Variants in LUZP2 observed in about 807,000 individuals in gnomAD.
LUZP2 encodes the protein leucine zipper protein 2.
Under a neutral mutation model 51.6 loss-of-function variants are expected in LUZP2, and 52 were observed. The observed-to-expected ratio is 1.01, with a 90% CI of 0.81 to 1.27. LUZP2 has a LOEUF of 1.27. LUZP2 is among the 50% of genes most tolerant of loss of function. The probability of loss-of-function intolerance (pLI) is 0.00; values close to 1 mark genes in which losing one functional copy is unlikely to be tolerated. For missense variants in LUZP2, 436 were observed against 395.4 expected, an observed-to-expected ratio of 1.10 and a Z score of -0.87; for synonymous variants, 154 against 137.3, an observed-to-expected ratio of 1.12 and a Z score of -0.85.
At chr11:24,636,769 G>A (rs1217732299) in intron 1 of LUZP2, among the ~76,000 whole-genome samples, 1 of 151,978 alleles carries the variant, frequency 6.6e-6, no homozygotes, top group African/African-American at 2.4e-5. Flanking sequence ...TCAGAGCTCA[G>A]CTCACACACA....
At chr11:25,036,109 CT>C (rs1857851541) in intron 9 of LUZP2, among the ~76,000 whole-genome samples, 1 of 151,928 alleles carries the variant, frequency 6.6e-6, no homozygotes, top group Non-Finnish European at 1.5e-5. Flanking sequence ...ACTTTTTTGC[CT>C]GATAGATTCT....
At chr11:24,529,872 G>T (rs1850940731) in intron 1 of LUZP2, among the ~76,000 whole-genome samples, 1 of 150,734 alleles carries the variant, frequency 6.6e-6, no homozygotes, top group African/African-American at 2.4e-5. Context: ...AACAATATTT[G>T]ATCTAATAGG....
intron 7 of LUZP2, among the ~76,000 whole-genome samples, chr11:24,939,840 A>T (rs1854693562): frequency 6.6e-6 from 1 of 152,156 alleles, no homozygotes; most frequent in Non-Finnish European, 1.5e-5. Flanking sequence ...TTGGTAGGAA[A>T]AAATGTTCAA....
intron 9 of LUZP2, among the ~76,000 whole-genome samples, chr11:25,012,862 C>A (rs1857023395): frequency 6.6e-6 from 1 of 152,102 alleles, no homozygotes; most frequent in African/African-American, 2.4e-5. Context: ...ATAGGCATCG[C>A]ACTACTGGGT....
At chr11:24,649,365 T>G (rs1281188739) in intron 1 of LUZP2, among the ~76,000 whole-genome samples, 1 of 151,958 alleles carries the variant, frequency 6.6e-6, no homozygotes, top group Non-Finnish European at 1.5e-5. Flanking sequence ...TCCTTCAAAC[T>G]TGGAACATAT....
chr11:24,569,879 A>ATTAGT (rs148386501), intron 1 of LUZP2, among the ~76,000 whole-genome samples: 2 of 151,486 alleles, frequency 1.3e-5, no homozygotes, highest in Non-Finnish European at 2.9e-5. Context: ...TTTATAAGTA[A>ATTAGT]TTATGGCTTT....
intron 5 of LUZP2, among the ~76,000 whole-genome samples, chr11:24,894,898 A>G (rs894189677): frequency 1.3e-5 from 2 of 152,218 alleles, no homozygotes; most frequent in African/African-American, 4.8e-5. Context: ...AGTCACTACA[A>G]TCAAAATAGT....
chr11:24,633,768 T>C (rs1038496318), intron 1 of LUZP2, among the ~76,000 whole-genome samples: 3 of 151,948 alleles, frequency 2.0e-5, no homozygotes, highest in African/African-American at 7.2e-5. Context: ...GCTGCTTATA[T>C]TTATAGGATT....
At chr11:24,666,922 G>A (rs1856232307) in intron 1 of LUZP2, among the ~76,000 whole-genome samples, 1 of 152,036 alleles carries the variant, frequency 6.6e-6, no homozygotes, top group South Asian at 2.1e-4. Flanking sequence ...TTATAATTCT[G>A]TTTTTATTTT....
intron 5 of LUZP2, among the ~76,000 whole-genome samples, chr11:24,820,741 C>T (rs576739403): frequency 2.6e-5 from 4 of 152,086 alleles, no homozygotes; most frequent in East Asian, 1.9e-4. Flanking sequence ...TTGGGTGTTA[C>T]GGTGTTATGT....
chr11:24,564,112 A>T (rs546386312), intron 1 of LUZP2, among the ~76,000 whole-genome samples: 1 of 152,114 alleles, frequency 6.6e-6, no homozygotes, highest in Admixed American at 6.6e-5. Context: ...GCAAGATTTT[A>T]AAGTGTGTGG....
intron 7 of LUZP2, among the ~76,000 whole-genome samples, chr11:24,936,579 G>GC (rs1412766485): frequency 1.3e-5 from 2 of 151,576 alleles, no homozygotes; most frequent in African/African-American, 4.8e-5. Context: ...TGTTGGAGAA[G>GC]CCCCTCTCAT....
intron 7 of LUZP2, among the ~76,000 whole-genome samples, chr11:24,937,849 C>A (rs1049751943): frequency 1.3e-5 from 2 of 149,898 alleles, no homozygotes; most frequent in African/African-American, 4.9e-5. Flanking sequence ...GGCAGTGAGC[C>A]GAGATCGTGC....
intron 1 of LUZP2, among the ~76,000 whole-genome samples, chr11:24,717,351 C>T (rs376449427): frequency 6.6e-5 from 10 of 150,618 alleles, no homozygotes; most frequent in African/African-American, 2.4e-4. Flanking sequence ...TAGGTGAACT[C>T]ATGCCATGGG....
chr11:24,872,197 G>T (rs930403242), intron 5 of LUZP2, among the ~76,000 whole-genome samples: 2 of 151,904 alleles, frequency 1.3e-5, no homozygotes, highest in Non-Finnish European at 1.5e-5. Flanking sequence ...TATTCTTATC[G>T]GTGAATTTTT....
intron 7 of LUZP2, among the ~76,000 whole-genome samples, chr11:24,941,766 CTATAAG>C (rs1242960659): frequency 1.3e-5 from 2 of 152,108 alleles, no homozygotes; most frequent in African/African-American, 4.8e-5. Context: ...TTATTGTCAG[CTATAAG>C]TATAATTTGT....
chr11:24,815,996 CT>C (rs200680319), intron 5 of LUZP2, among the ~76,000 whole-genome samples: 6 of 8,710 alleles, frequency 6.9e-4, no homozygotes, highest in African/African-American at 9.9e-4. Flanking sequence ...CTCTTATCTT[CT>C]TTTTTTTTTA....
chr11:24,965,943 A>G (rs1480902005), intron 7 of LUZP2, among the ~76,000 whole-genome samples: 2 of 151,796 alleles, frequency 1.3e-5, no homozygotes, highest in Non-Finnish European at 3.0e-5. Context: ...GAGATCAAAC[A>G]GTAAGTGGCA....
At chr11:24,773,729 T>C (rs2716539) in intron 5 of LUZP2, among the ~76,000 whole-genome samples, 89,434 of 151,924 alleles carry the variant, frequency 0.59, 26,722 homozygotes, top group Non-Finnish European at 0.66. Context: ...ATTTAAAATC[T>C]CCACCTAGGA....
Sources: gnomAD v4.1 joint callset for allele counts (sites outside exome capture counted in the v4.1 genomes callset) on GRCh38, gnomAD v4.1.1 for gene constraint, MANE v1.5 for transcripts, NCBI Gene and HGNC (gene_info 2026-07-23, HGNC 2026-07-21) for gene names.